EHD4: variants seen among roughly 807,000 people sequenced by gnomAD.
EHD4 encodes the protein EH domain containing 4.
EHD4 carries 37 observed loss-of-function variants against 51.0 expected under a neutral mutation model. The observed-to-expected ratio is 0.73, with a 90% CI of 0.56 to 0.95. The LOEUF is 0.95. EHD4 is among the 40% of genes least tolerant of loss of function. The pLI, the probability that EHD4 is intolerant of heterozygous loss-of-function variation, is 0.00. For synonymous variants in EHD4, 297 were observed against 317.3 expected (o/e 0.94, Z 0.68); for missense variants, 632 against 733.1 (o/e 0.86, Z 1.59).
In EHD4 at chr15:41,900,715, T is replaced by C; in HGVS notation, c.1556A>G (p.Glu519Gly). The change falls in exon 6 of 6, where the codon GAG (glutamate) becomes GGG (glycine). Residue 519 changes from glutamate to glycine, a missense_variant. Transcript: ENST00000220325. The surrounding 1 kb of genome is among the most constrained non-coding windows in gnomAD (Gnocchi z 4.8). ...GTGGGGGGGCAGGCTGCTGGGCAGCTCGTAGCCGTCGAGCTTGATCTTGAT... is the reference window on the plus strand; with the variant it reads ...GTGGGGGGGCAGGCTGCTGGGCAGCCCGTAGCCGTCGAGCTTGATCTTGAT... ...HLIKIKLDGY[E>G]LPSSLPPHLV... The C allele has an allele frequency of 6.2e-7, 1 of 1,610,600 alleles. No homozygotes were observed. Among genetic ancestry groups the C allele is most frequent in the Non-Finnish European group, 8.5e-7 (1 of 1,179,908 alleles).
In EHD4 at chr15:41,938,197, T is replaced by C. The variant is rs79744253; in HGVS notation, c.511+4870A>G. Among the ~76,000 whole-genome samples, 696 of 152,330 alleles carry C rather than the reference T, an allele frequency of 4.6e-3. 4 individuals are homozygous for C. Among genetic ancestry groups the C allele is most frequent in the African/African-American group, 0.016 (648 of 41,564 alleles). On this transcript the variant is annotated intron_variant, in intron 3 of 5. Transcript: ENST00000220325. ...ATTTTGAATTTTCAGTTTCAAGATGTTCAACCTGTATTGTGTTTGAGCACC... is the reference window on the plus strand; with the variant it reads ...ATTTTGAATTTTCAGTTTCAAGATGCTCAACCTGTATTGTGTTTGAGCACC...
At chr15:41,950,008 A>G (rs895017227) in intron 2 of EHD4, among the ~76,000 whole-genome samples, 4 of 152,196 alleles carry the variant, frequency 2.6e-5, no homozygotes, top group African/African-American at 9.6e-5. Flanking sequence ...CTGCTCCCAG[A>G]TGGGCCACTG....
intron 5 of EHD4, among the ~76,000 whole-genome samples, chr15:41,907,153 G>A (rs1226209603): frequency 6.6e-6 from 1 of 152,196 alleles, no homozygotes; most frequent in Non-Finnish European, 1.5e-5. Context: ...GGAGCCCCAG[G>A]GCTCAAGAGC....
At chr15:41,913,823 G>A (rs1182563571) in intron 4 of EHD4, among the ~76,000 whole-genome samples, 1 of 152,180 alleles carries the variant, frequency 6.6e-6, no homozygotes, top group Non-Finnish European at 1.5e-5. Flanking sequence ...TTCGTATCTT[G>A]TTCAAGTCAT....
intron 2 of EHD4, among the ~76,000 whole-genome samples, chr15:41,949,048 A>G (rs961952718): frequency 8.0e-5 from 11 of 137,426 alleles, no homozygotes; most frequent in South Asian, 2.5e-4. Context: ...ATATATATAT[A>G]TATACACACA....
rs2067474954 is a variant in EHD4 at position 41,901,094 on chromosome 15, T to C, written c.1177A>G (p.Ile393Val). The change falls in exon 6 of 6, where the codon ATC (isoleucine) becomes GTC (valine). Residue 393 changes from isoleucine (I) to valine (V), a missense_variant. Coordinates refer to ENST00000220325, the MANE Select transcript of EHD4 (RefSeq NM_139265.4). Reference sequence around the variant, plus strand: ...CTGATGAGGTTCATGAGGGGCGAGATCTTGTTGCTCAGCATGTTGTCCACT... The same window carrying C: ...CTGATGAGGTTCATGAGGGGCGAGACCTTGTTGCTCAGCATGTTGTCCACT... ...EAVDNMLSNKISPLMNLISQE... is the reference protein window; with the variant it reads ...EAVDNMLSNKVSPLMNLISQE... The C allele has an allele frequency of 6.2e-7, 1 of 1,611,500 alleles. No homozygotes were observed. Among genetic ancestry groups the C allele is most frequent in the Admixed American group, 1.7e-5 (1 of 59,494 alleles).
intron 4 of EHD4, among the ~76,000 whole-genome samples, chr15:41,914,040 A>ATGTG (rs5812208): frequency 0.46 from 69,226 of 150,762 alleles, 16,780 homozygotes; most frequent in African/African-American, 0.62. Context: ...GTGTCCAATG[A>ATGTG]TGTGTGTGTG....
intron 2 of EHD4, among the ~76,000 whole-genome samples, chr15:41,950,660 A>G (rs918219482): frequency 6.6e-6 from 1 of 152,170 alleles, no homozygotes; most frequent in African/African-American, 2.4e-5. Context: ...TTAAGTAGCT[A>G]TGAGTTTACA....
intron 5 of EHD4, 67 bp from the exon 6 acceptor site, chr15:41,901,248 C>T: frequency 6.8e-7 from 1 of 1,480,716 alleles, no homozygotes; most frequent in South Asian, 1.4e-5. Context: ...TTGGGGGCCA[C>T]TGGAGGGAGA....
intron 5 of EHD4, among the ~76,000 whole-genome samples, chr15:41,903,453 T>TACACACACAC (rs146543286): frequency 7.6e-5 from 11 of 144,496 alleles, no homozygotes; most frequent in South Asian, 4.4e-4. Flanking sequence ...TTAACATACA[T>TACACACACAC]ACACACACAC....
At chr15:41,952,051 C>CA (rs2067855531) in intron 2 of EHD4, among the ~76,000 whole-genome samples, 2 of 152,236 alleles carry the variant, frequency 1.3e-5, no homozygotes, top group African/African-American at 4.8e-5. Context: ...ATAGGATCAT[C>CA]AAAAAGCCCC....
rs1017126918 is a variant in EHD4 at position 41,899,271 on chromosome 15, AGCT to A, written c.*1371_*1373del. The A allele has an allele frequency of 6.6e-6, 1 of 152,172 alleles. No homozygotes were observed. The highest frequency in any genetic ancestry group is 2.4e-5 in the African/African-American group (1 of 41,428). The allele number at this position is 152,172 out of a possible 1,614,324, so 9.4% of individuals were successfully genotyped here. On this transcript the variant is annotated 3_prime_UTR_variant, in exon 6 of 6. Coordinates refer to ENST00000220325, the MANE Select transcript of EHD4 (RefSeq NM_139265.4). ...CAAGGAAAAGTCACCTACCTCCCCA[AGCT>A]GGTGCCCACAGAGGGGGAGGCACCT...
chr15:41,963,416 T>A (rs2067939804), intron 1 of EHD4, among the ~76,000 whole-genome samples: 1 of 151,364 alleles, frequency 6.6e-6, no homozygotes, highest in Admixed American at 6.6e-5. Context: ...CTGGTTAACA[T>A]GGCAAAACCT....
intron 2 of EHD4, among the ~76,000 whole-genome samples, chr15:41,949,642 A>G (rs1205076322): frequency 6.6e-6 from 1 of 152,160 alleles, no homozygotes; most frequent in Non-Finnish European, 1.5e-5. Context: ...AGGGCCAGTG[A>G]TTCAAGTTAT....
At chr15:41,943,491 C>T (rs1387836513) in intron 2 of EHD4, among the ~76,000 whole-genome samples, 3 of 152,222 alleles carry the variant, frequency 2.0e-5, no homozygotes, top group African/African-American at 7.2e-5. Flanking sequence ...AGGTATCTTA[C>T]AAATATCCTC....
At chr15:41,954,752 C>T (rs1439853093) in intron 1 of EHD4, among the ~76,000 whole-genome samples, 1 of 152,162 alleles carries the variant, frequency 6.6e-6, no homozygotes, top group Non-Finnish European at 1.5e-5. Flanking sequence ...ATCCTCCTGC[C>T]TCAGCCTCCC....
chr15:41,929,817 A>G (rs947088485), intron 3 of EHD4, among the ~76,000 whole-genome samples: 1 of 152,216 alleles, frequency 6.6e-6, no homozygotes, highest in African/African-American at 2.4e-5. Context: ...ATAAAAAGCC[A>G]GATTCCCAGG....
At chr15:41,970,463 A>C (rs1229501976) in intron 1 of EHD4, among the ~76,000 whole-genome samples, 1 of 152,254 alleles carries the variant, frequency 6.6e-6, no homozygotes, top group Non-Finnish European at 1.5e-5. Flanking sequence ...GCGCTTAGCT[A>C]TTCCACAAAT....
At position 41,900,140 on chromosome 15, in the gene EHD4, T is replaced by C. The variant is rs2067466040; in HGVS notation, c.*505A>G. 1 of 154,182 alleles carries C rather than the reference T, an allele frequency of 6.5e-6. No individual in the cohort carries two copies. Among genetic ancestry groups the C allele is most frequent in the Non-Finnish European group, 1.4e-5 (1 of 69,266 alleles). The allele number at this position is 154,182 out of a possible 1,614,324, so 9.6% of individuals were successfully genotyped here. ...GACAGTCTGGAGACAGCAGAAACCC[T>C]CTGCTCTATTTTTTTGCCACTCTAA... On this transcript the variant is annotated 3_prime_UTR_variant, in exon 6 of 6. Transcript: ENST00000220325. The surrounding 1 kb of genome is among the most constrained non-coding windows in gnomAD (Gnocchi z 4.8).
Sources: gnomAD v4.1 joint callset for allele counts (sites outside exome capture counted in the v4.1 genomes callset) on GRCh38, gnomAD v4.1.1 for gene constraint, Gnocchi (gnomAD v3.1) non-coding constraint, MANE v1.5 for transcripts, NCBI Gene and HGNC (gene_info 2026-07-23, HGNC 2026-07-21) for gene names.